The following SLC35F1 variants were observed in gnomAD, a reference collection of about 807,000 sequenced individuals.
SLC35F1 encodes chromosome 6 open reading frame 169.
A neutral mutation model predicts 48.7 loss-of-function variants in SLC35F1; 14 were observed. That is an observed-to-expected ratio of 0.29 (90% CI 0.19 to 0.45). The LOEUF is 0.45. Among genes scored for constraint, SLC35F1 ranks in the 20% least tolerant of loss-of-function variants. SLC35F1 has a pLI of 1.00. For missense variants in SLC35F1, 404 were observed against 500.0 expected, an observed-to-expected ratio of 0.81 and a Z score of 1.83; for synonymous variants, 190 against 202.2, an observed-to-expected ratio of 0.94 and a Z score of 0.51.
chr6:117,912,005 G>A (rs978650667), intron 1 of SLC35F1, among the ~76,000 whole-genome samples: 2 of 152,164 alleles, frequency 1.3e-5, no homozygotes, highest in Admixed American at 1.3e-4. Flanking sequence ...GCATATGTGT[G>A]CTTTTATCTT....
chr6:118,000,456 A>G (rs1189686932), intron 1 of SLC35F1, among the ~76,000 whole-genome samples: 1 of 152,166 alleles, frequency 6.6e-6, no homozygotes, highest in Non-Finnish European at 1.5e-5. Context: ...TCTCAAAATA[A>G]TAAGAGCTAT....
intron 1 of SLC35F1, among the ~76,000 whole-genome samples, chr6:117,970,855 G>A (rs1384527922): frequency 6.6e-6 from 1 of 152,184 alleles, no homozygotes; most frequent in African/African-American, 2.4e-5. Flanking sequence ...TTCACGACAT[G>A]TAGGGATTAT....
At chr6:117,929,124 A>T (rs1171754156) in intron 1 of SLC35F1, among the ~76,000 whole-genome samples, 1 of 151,554 alleles carries the variant, frequency 6.6e-6, no homozygotes, top group Non-Finnish European at 1.5e-5. Context: ...CTTTTGACCA[A>T]CTCTTCTTTC....
At chr6:118,225,433 A>C (rs1371450351) in intron 2 of SLC35F1, among the ~76,000 whole-genome samples, 1 of 152,220 alleles carries the variant, frequency 6.6e-6, no homozygotes, top group Non-Finnish European at 1.5e-5. Context: ...AAACTGGTTA[A>C]CCATATGCAG....
intron 1 of SLC35F1, among the ~76,000 whole-genome samples, chr6:118,059,870 A>C (rs1336198299): frequency 6.6e-6 from 1 of 152,228 alleles, no homozygotes; most frequent in Non-Finnish European, 1.5e-5. Context: ...CTACTGATCT[A>C]ATGATACCAT....
intron 1 of SLC35F1, among the ~76,000 whole-genome samples, chr6:117,937,380 T>C (rs1008789680): frequency 6.6e-6 from 1 of 152,222 alleles, no homozygotes; most frequent in Non-Finnish European, 1.5e-5. Context: ...CCTTCTATTA[T>C]TGGGTTCTTC....
At chr6:118,091,525 C>T (rs983096868) in intron 1 of SLC35F1, among the ~76,000 whole-genome samples, 1 of 152,190 alleles carries the variant, frequency 6.6e-6, no homozygotes, top group Admixed American at 6.5e-5. Flanking sequence ...TTTGAGGCCT[C>T]CTCAGTTATG....
intron 1 of SLC35F1, among the ~76,000 whole-genome samples, chr6:117,929,453 A>ATGTGTG (rs143634465): frequency 0.11 from 15,934 of 145,948 alleles, 912 homozygotes; most frequent in East Asian, 0.15. Flanking sequence ...GTATGTATTT[A>ATGTGTG]TGTGTGTGTG....
chr6:118,231,026 T>C (rs772319405), intron 2 of SLC35F1, among the ~76,000 whole-genome samples: 2 of 151,984 alleles, frequency 1.3e-5, no homozygotes, highest in Non-Finnish European at 2.9e-5. Flanking sequence ...AATATCAAGA[T>C]GATCATTTGA....
chr6:117,961,045 T>A (rs182148995), intron 1 of SLC35F1, among the ~76,000 whole-genome samples: 21 of 152,240 alleles, frequency 1.4e-4, no homozygotes, highest in East Asian at 5.8e-4. Flanking sequence ...AAAAAAAATT[T>A]AAAAAAATGG....
chr6:118,316,425 G>C lies in SLC35F1; in HGVS notation c.*2173G>C, dbSNP rs183499178. The C allele has an allele frequency of 9.2e-5, 14 of 152,726 alleles. No homozygotes were observed. Among genetic ancestry groups the C allele is most frequent in the Admixed American group, 7.8e-4 (12 of 15,294 alleles). The allele number at this position is 152,726 out of a possible 1,614,324, so 9.5% of individuals were successfully genotyped here. A position where few individuals can be genotyped will look rare whatever the true frequency, so the allele number is the denominator to read the frequency against. ...TTTCTCTGAATATTTTGTCCATTCA[G>C]ATCCGAAGACCTTTAAAGACTGTGG... On this transcript the variant is annotated 3_prime_UTR_variant, in exon 8 of 8. Coordinates refer to ENST00000360388, the MANE Select transcript of SLC35F1 (RefSeq NM_001029858.4).
At chr6:118,022,908 G>T (rs1044358827) in intron 1 of SLC35F1, among the ~76,000 whole-genome samples, 2 of 151,964 alleles carry the variant, frequency 1.3e-5, no homozygotes, top group Non-Finnish European at 2.9e-5. Context: ...GTACCACTAC[G>T]CCGGGCTAAT....
chr6:118,058,787 A>C (rs1772496692), intron 1 of SLC35F1, among the ~76,000 whole-genome samples: 2 of 152,182 alleles, frequency 1.3e-5, no homozygotes, highest in African/African-American at 4.8e-5. Flanking sequence ...ATCTGCTTTA[A>C]TTTAGTCTCA....
At chr6:118,292,135 T>A (rs2065021) in intron 7 of SLC35F1, among the ~76,000 whole-genome samples, 59,687 of 151,544 alleles carry the variant, frequency 0.39, 12,381 homozygotes, top group Middle Eastern at 0.52. Context: ...AAATAATAAA[T>A]AAATAAATAA....
At chr6:117,934,699 A>G (rs1776142972) in intron 1 of SLC35F1, among the ~76,000 whole-genome samples, 1 of 152,092 alleles carries the variant, frequency 6.6e-6, no homozygotes, top group Non-Finnish European at 1.5e-5. Context: ...ATATAAATAA[A>G]CTCTTTTCTG....
chr6:117,990,311 G>T (rs1704596789), intron 1 of SLC35F1, among the ~76,000 whole-genome samples: 1 of 152,028 alleles, frequency 6.6e-6, no homozygotes, highest in South Asian at 2.1e-4. Flanking sequence ...TCACGCTGGA[G>T]GCCATTGGGA....
In SLC35F1 at chr6:118,313,978, C is replaced by G. The variant is rs754711734; in HGVS notation, c.1003-50C>G. Reference sequence around the variant, plus strand: ...GTTTCTGTGTGCCTCATTAATGTGTCAGTGGTTCTGCCCTGGCTGTCAAAT... The same window carrying G: ...GTTTCTGTGTGCCTCATTAATGTGTGAGTGGTTCTGCCCTGGCTGTCAAAT... On this transcript the variant is annotated intron_variant, in intron 7 of 7. Transcript: ENST00000360388. The G allele has an allele frequency of 6.5e-6, 10 of 1,545,568 alleles. No homozygotes were observed. The East Asian group carries it at 1.8e-4, about 28-fold the overall frequency.
intron 1 of SLC35F1, among the ~76,000 whole-genome samples, chr6:117,929,865 A>C (rs1457937912): frequency 6.6e-6 from 1 of 152,212 alleles, no homozygotes; most frequent in Non-Finnish European, 1.5e-5. Context: ...CATCACAGTG[A>C]TAATGACAAT....
At chr6:118,160,318 G>A (rs1426681771) in intron 2 of SLC35F1, among the ~76,000 whole-genome samples, 1 of 152,170 alleles carries the variant, frequency 6.6e-6, no homozygotes, top group African/African-American at 2.4e-5. Context: ...TTCCAATTTT[G>A]ATAAAAGACA....
Sources: gnomAD v4.1 joint callset for allele counts (sites outside exome capture counted in the v4.1 genomes callset) on GRCh38, gnomAD v4.1.1 for gene constraint, MANE v1.5 for transcripts, NCBI Gene and HGNC (gene_info 2026-07-23, HGNC 2026-07-21) for gene names.